The following ARIH1 variants were observed in gnomAD, a reference collection of about 807,000 sequenced individuals.
ARIH1 encodes ariadne RBR E3 ubiquitin protein ligase 1, also known as E3 ubiquitin-protein ligase ARIH1.
In ARIH1, 8 loss-of-function variants were observed where a neutral mutation model predicts 85.0. The observed-to-expected ratio is 0.09, with a 90% CI of 0.06 to 0.17. ARIH1 has a LOEUF of 0.17. ARIH1 is among the 10% of genes least tolerant of loss of function. ARIH1 has a pLI of 1.00. For synonymous variants in ARIH1, 238 were observed against 253.6 expected, an observed-to-expected ratio of 0.94 and a Z score of 0.59; for missense variants, 311 against 718.1, an observed-to-expected ratio of 0.43 and a Z score of 6.48.
chr15:72,526,915 T>A (rs2064031540), intron 2 of ARIH1, among the ~76,000 whole-genome samples: 1 of 146,850 alleles, frequency 6.8e-6, no homozygotes, highest in Admixed American at 7.0e-5. Flanking sequence ...TTTTACAAAC[T>A]AAATAGAATT....
At chr15:72,530,948 A>G (rs2064053840) in intron 2 of ARIH1, among the ~76,000 whole-genome samples, 1 of 152,236 alleles carries the variant, frequency 6.6e-6, no homozygotes, top group Non-Finnish European at 1.5e-5. Context: ...TGGCAGAGGC[A>G]GTATTTTAAG....
chr15:72,513,168 A>T (rs1345425453), intron 1 of ARIH1, among the ~76,000 whole-genome samples: 2 of 152,084 alleles, frequency 1.3e-5, no homozygotes, highest in African/African-American at 2.4e-5. Flanking sequence ...TGATGTAATT[A>T]TTTACGTGGT....
chr15:72,491,942 T>C (rs902773023), intron 1 of ARIH1, among the ~76,000 whole-genome samples: 2 of 152,202 alleles, frequency 1.3e-5, no homozygotes, highest in African/African-American at 2.4e-5. Context: ...CCTTTTTCCA[T>C]CCTGCTGTGC....
Position 72,598,284 on chromosome 15 carries a change from G to A in ARIH1, c.*14992G>A, listed in dbSNP as rs1317098949. The A allele has an allele frequency of 1.3e-5, 2 of 152,142 alleles. No individual in the cohort carries two copies. Among genetic ancestry groups the A allele is most frequent in the East Asian group, 3.9e-4 (2 of 5,188 alleles). The allele number at this position is 152,142 out of a possible 1,614,324, so 9.4% of individuals were successfully genotyped here. A position where few individuals can be genotyped will look rare whatever the true frequency, so the allele number is the denominator to read the frequency against. On this transcript the variant is annotated 3_prime_UTR_variant, in exon 14 of 14. Transcript: ENST00000379887. ...GATTTCTTTGTGTCCTTAGCTTTCT[G>A]ATGAATTAAACATATGTTTTATTTT...
At position 72,578,002 on chromosome 15, in the gene ARIH1, C is replaced by T. The variant is rs533706604; in HGVS notation, c.1216-2729C>T. ...GCAGTCTTAAGTAATCAGAACCCTT[C>T]TGCCAAATTGTCTAATGTCAATTTA... is the stretch of plus-strand genomic sequence containing the variant. On this transcript the variant is annotated intron_variant, in intron 11 of 13. Transcript: ENST00000379887. Among the ~76,000 whole-genome samples, 83 of 152,346 alleles carry T rather than the reference C, an allele frequency of 5.4e-4. 1 individual carries two copies. The South Asian group carries it at 0.017, about 31-fold the overall frequency.
intron 9 of ARIH1, among the ~76,000 whole-genome samples, chr15:72,569,658 T>C (rs1288713409): frequency 6.6e-6 from 1 of 152,184 alleles, no homozygotes; most frequent in Non-Finnish European, 1.5e-5. Context: ...GAACGGTACA[T>C]GGGATATGGG....
intron 5 of ARIH1, among the ~76,000 whole-genome samples, chr15:72,557,720 G>A (rs1035813106): frequency 5.2e-4 from 79 of 152,198 alleles, no homozygotes; most frequent in African/African-American, 1.8e-3. Flanking sequence ...GTTAATTTTT[G>A]TATATGGTGA....
chr15:72,474,466 C>T lies in ARIH1; in HGVS notation c.-174C>T. The T allele has an allele frequency of 3.6e-6, 3 of 839,948 alleles. No homozygotes were observed. Among genetic ancestry groups the T allele is most frequent in the South Asian group, 1.8e-5 (1 of 56,974 alleles). The allele number at this position is 839,948 out of a possible 1,614,324, so 52.0% of individuals were successfully genotyped here. A position where few individuals can be genotyped will look rare whatever the true frequency, so the allele number is the denominator to read the frequency against. On this transcript the variant is annotated 5_prime_UTR_variant, in exon 1 of 14. Coordinates refer to ENST00000379887, the MANE Select transcript of ARIH1 (RefSeq NM_005744.5). ...CCTCCCTCCTCCGCGCCCTCCCCGC[C>T]GCCACCAGCCGTCAAACGCCAACCG...
Position 72,474,818 on chromosome 15 carries a change from G to A in ARIH1, c.179G>A (p.Gly60Glu). The change falls in exon 1 of 14, where the codon GGA (glycine) becomes GAA (glutamate). Residue 60 changes from glycine to glutamate, a missense_variant. Around this residue, in one of 3 missense-constraint regions of ARIH1, gnomAD observed 157 missense variants for 185.1 expected, o/e 0.85. Transcript: ENST00000379887. ...PGLGVGGERD[G>E]LLCGETGGGG... ...CTGGGCGTCGGCGGGGAGCGGGACG[G>A]ACTGCTGTGCGGGGAGACGGGCGGT... is the stretch of plus-strand genomic sequence containing the variant. The A allele has an allele frequency of 6.8e-7, 1 of 1,467,320 alleles. No individual in the cohort carries two copies. The highest frequency in any genetic ancestry group is 9.0e-7 in the Non-Finnish European group (1 of 1,106,202). 90.9% of individuals were successfully genotyped at this position (1,467,320 alleles called of 1,614,324 possible).
At position 72,474,722 on chromosome 15, in the gene ARIH1, A is replaced by G. The variant is rs1348781230; in HGVS notation, c.83A>G (p.Glu28Gly). 4 of 1,565,968 alleles carry G rather than the reference A, an allele frequency of 2.6e-6. No homozygotes were observed. Among genetic ancestry groups the G allele is most frequent in the Admixed American group, 3.7e-5 (2 of 54,344 alleles). ...SEEDSGAEEE[E>G]DEDDDEPDDD... ...GAGGACAGCGGCGCCGAGGAGGAGG[A>G]GGACGAAGACGACGACGAGCCGGAC... is the stretch of plus-strand genomic sequence containing the variant. Residue 28 changes from glutamate to glycine, a missense_variant, in exon 1 of 14, where the codon GAG becomes GGG. This residue lies in a region of ARIH1 where 157 missense variants were observed against 185.1 expected (regional missense o/e 0.85). Coordinates refer to ENST00000379887, the MANE Select transcript of ARIH1 (RefSeq NM_005744.5).
At position 72,583,299 on chromosome 15, in the gene ARIH1, C is replaced by T. The variant is rs1473856879; in HGVS notation, c.*7C>T. 1 of 1,606,838 alleles carries T rather than the reference C, an allele frequency of 6.2e-7. No homozygotes were observed. Among genetic ancestry groups the T allele is most frequent in the Non-Finnish European group, 8.5e-7 (1 of 1,175,568 alleles). ...GGAGTACATTGAGGACTGAGAATGG[C>T]CCTGCATAAAATGAACTCTGAAAAC... On this transcript the variant is annotated 3_prime_UTR_variant, in exon 14 of 14. Transcript: ENST00000379887.
At position 72,600,407 on chromosome 15, in the gene ARIH1, T is replaced by C. The variant is rs975197268; in HGVS notation, c.*17115T>C. 3 of 152,210 alleles carry C rather than the reference T, an allele frequency of 2.0e-5. No homozygotes were observed. Among genetic ancestry groups the C allele is most frequent in the African/African-American group, 7.2e-5 (3 of 41,446 alleles). 9.4% of individuals were successfully genotyped at this position (152,210 alleles called of 1,614,324 possible). On this transcript the variant is annotated 3_prime_UTR_variant, in exon 14 of 14. Transcript: ENST00000379887. ...TACTTCTTGTTTGTTTGTTTTACAG[T>C]GGATCTCACTCTGTCACCCAGGCTG...
rs1294274625 is a variant in ARIH1 at position 72,566,544 on chromosome 15, T to A, written c.912-19T>A. The stretch of plus-strand genomic sequence containing the variant: ...GTAGGTAGGCCTTAATTCTATTAAC[T>A]CTTTGTGTCACTTAACAGCTTTAAC... On this transcript the variant is annotated intron_variant, in intron 7 of 13. Transcript: ENST00000379887. 5.0e-6 allele frequency: 8 copies of A among 1,607,856 alleles called. No individual in the cohort carries two copies. Among genetic ancestry groups the A allele is most frequent in the African/African-American group, 1.3e-5 (1 of 74,750 alleles).
In ARIH1 at chr15:72,592,420, A is replaced by G. The variant is rs2064346775; in HGVS notation, c.*9128A>G. ...AAGCCACTACTCACCTTTATTTTAA[A>G]TTGATATATAGAAATTAATATTACA... On this transcript the variant is annotated 3_prime_UTR_variant, in exon 14 of 14. Transcript: ENST00000379887. 1 of 152,242 alleles carries G rather than the reference A, an allele frequency of 6.6e-6. No individual in the cohort carries two copies. Among genetic ancestry groups the G allele is most frequent in the African/African-American group, 2.4e-5 (1 of 41,472 alleles). 9.4% of individuals were successfully genotyped at this position (152,242 alleles called of 1,614,324 possible).
chr15:72,512,663 A>G (rs1427857679), intron 1 of ARIH1, among the ~76,000 whole-genome samples: 1 of 149,432 alleles, frequency 6.7e-6, no homozygotes, highest in Non-Finnish European at 1.5e-5. Context: ...AATATGATAA[A>G]TTTTCCTGTA....
intron 2 of ARIH1, among the ~76,000 whole-genome samples, chr15:72,539,048 G>A (rs1213938278): frequency 6.6e-6 from 1 of 152,146 alleles, no homozygotes; most frequent in Non-Finnish European, 1.5e-5. Context: ...AGGGTTACAG[G>A]GAAGGAGAGA....
Position 72,583,540 on chromosome 15 carries a change from C to G in ARIH1, c.*248C>G, listed in dbSNP as rs949227963. ...GACAGACACACTAAAAGCCCTCCAACTTTAACTTGTAACGTAGCTTCATTC... is the reference window on the plus strand; with the variant it reads ...GACAGACACACTAAAAGCCCTCCAAGTTTAACTTGTAACGTAGCTTCATTC... On this transcript the variant is annotated 3_prime_UTR_variant, in exon 14 of 14. Coordinates refer to ENST00000379887, the MANE Select transcript of ARIH1 (RefSeq NM_005744.5). The G allele has an allele frequency of 5.7e-5, 22 of 384,416 alleles. No individual in the cohort carries two copies. The highest frequency in any genetic ancestry group is 3.7e-4 in the African/African-American group (18 of 48,696). 23.8% of individuals were successfully genotyped at this position (384,416 alleles called of 1,614,324 possible).
intron 1 of ARIH1, among the ~76,000 whole-genome samples, chr15:72,514,077 T>A (rs951734412): frequency 6.6e-6 from 1 of 151,056 alleles, no homozygotes; most frequent in Non-Finnish European, 1.5e-5. Flanking sequence ...TGGGCTCAAG[T>A]GATCCTCCTG....
rs2064351042 is a variant in ARIH1 at position 72,593,523 on chromosome 15, T to C, written c.*10231T>C. On this transcript the variant is annotated 3_prime_UTR_variant, in exon 14 of 14. Transcript: ENST00000379887. ...TTTTTGTGAACAGAATGAGGTTTGG[T>C]TTTTTTCCAACATGGATATACAGTT... is the stretch of plus-strand genomic sequence containing the variant. 1 of 152,208 alleles carries C rather than the reference T, an allele frequency of 6.6e-6. No homozygotes were observed. The highest frequency in any genetic ancestry group is 6.5e-5 in the Admixed American group (1 of 15,280). The allele number at this position is 152,208 out of a possible 1,614,324, so 9.4% of individuals were successfully genotyped here.
Sources: allele counts gnomAD v4.1 joint callset (sites outside exome capture counted in the v4.1 genomes callset), GRCh38; gene constraint gnomAD v4.1.1; regional missense constraint gnomAD v4.1.1; transcripts MANE v1.5; gene names NCBI Gene and HGNC (gene_info 2026-07-23, HGNC 2026-07-21).